Variants in CTNNA2 observed in about 807,000 individuals in gnomAD.
CTNNA2 encodes catenin alpha 2, also known as catenin alpha-2.
In CTNNA2, 42 loss-of-function variants were observed where a neutral mutation model predicts 101.0. The observed-to-expected ratio is 0.42, with a 90% CI of 0.32 to 0.54. CTNNA2 has a LOEUF of 0.54. Ranked by LOEUF, CTNNA2 falls within the 20% of genes least tolerant of loss-of-function variation. The pLI is 0.14. For missense variants in CTNNA2, 871 were observed against 1,223.1 expected, an observed-to-expected ratio of 0.71 and a Z score of 4.29; for synonymous variants, 450 against 456.4, an observed-to-expected ratio of 0.99 and a Z score of 0.18.
intron 5 of CTNNA2, among the ~76,000 whole-genome samples, chr2:79,872,016 T>G (rs1275412679): frequency 6.6e-6 from 1 of 152,200 alleles, no homozygotes; most frequent in East Asian, 1.9e-4. Flanking sequence ...GAAAAACACA[T>G]AATACCCTAC....
intron 6 of CTNNA2, among the ~76,000 whole-genome samples, chr2:79,879,788 T>G (rs1349312797): frequency 6.6e-6 from 1 of 152,200 alleles, no homozygotes; most frequent in Non-Finnish European, 1.5e-5. Context: ...ACTTCCTATC[T>G]TCCTATTTGA....
At chr2:80,528,062 C>T (rs1488193534) in intron 9 of CTNNA2, among the ~76,000 whole-genome samples, 2 of 152,182 alleles carry the variant, frequency 1.3e-5, no homozygotes, top group East Asian at 3.9e-4. Flanking sequence ...AGCTGCATGA[C>T]CAAGGGAAAA....
intron 4 of CTNNA2, chr2:79,374,160 A>ACAGCAG (rs557352140): frequency 1.3e-5 from 2 of 155,308 alleles, no homozygotes; most frequent in Non-Finnish European, 2.9e-5. Context: ...ACCAGCAACA[A>ACAGCAG]CAGCAGCAGC....
chr2:80,207,951 A>T (rs77743637), intron 7 of CTNNA2, among the ~76,000 whole-genome samples: 25,791 of 152,014 alleles, frequency 0.17, 2,816 homozygotes, highest in East Asian at 0.48. Flanking sequence ...GAGTCACAGG[A>T]AAAAAGAAAT....
chr2:79,996,724 C>T (rs565612161), intron 7 of CTNNA2, among the ~76,000 whole-genome samples: 1 of 152,252 alleles, frequency 6.6e-6, no homozygotes, highest in Admixed American at 6.5e-5. Context: ...TTACAAATAC[C>T]TGTGTGGCAC....
At chr2:79,961,807 G>A (rs1331567165) in intron 7 of CTNNA2, among the ~76,000 whole-genome samples, 4 of 132,760 alleles carry the variant, frequency 3.0e-5, no homozygotes, top group African/African-American at 1.2e-4. Context: ...GGGTGACAGA[G>A]CGAGACTCCG....
intron 2 of CTNNA2, among the ~76,000 whole-genome samples, chr2:79,272,048 C>T (rs1232822789): frequency 6.6e-6 from 1 of 151,930 alleles, no homozygotes; most frequent in African/African-American, 2.4e-5. Flanking sequence ...AATAATAATA[C>T]CTAACATTAT....
intron 2 of CTNNA2, among the ~76,000 whole-genome samples, chr2:79,300,567 T>C (rs1676085023): frequency 6.6e-6 from 1 of 152,156 alleles, no homozygotes; most frequent in Admixed American, 6.5e-5. Context: ...AAATTCTTTC[T>C]ACATTCTCCA....
chr2:79,319,014 G>A (rs917497666), intron 3 of CTNNA2, among the ~76,000 whole-genome samples: 4 of 152,164 alleles, frequency 2.6e-5, no homozygotes. Flanking sequence ...GACGGCTGAG[G>A]CTAGTACTAA....
intron 2 of CTNNA2, among the ~76,000 whole-genome samples, chr2:79,704,512 T>TC (rs2104773695): frequency 6.9e-6 from 1 of 144,046 alleles, no homozygotes; most frequent in South Asian, 2.2e-4. Flanking sequence ...TTGTGCTTCT[T>TC]TTTTTTTTTT....
intron 4 of CTNNA2, among the ~76,000 whole-genome samples, chr2:79,409,069 A>G (rs1188136081): frequency 6.6e-6 from 1 of 151,892 alleles, no homozygotes. Context: ...GCATTTTTTC[A>G]TGTGTTTTTT....
chr2:79,879,278 A>T (rs530646653), intron 6 of CTNNA2, among the ~76,000 whole-genome samples: 8 of 152,292 alleles, frequency 5.3e-5, no homozygotes, highest in African/African-American at 1.9e-4. Flanking sequence ...CTTTTTGCTT[A>T]GGATTGTCTT....
intron 8 of CTNNA2, among the ~76,000 whole-genome samples, chr2:80,417,255 T>A (rs188847828): frequency 2.1e-5 from 3 of 139,646 alleles, no homozygotes; most frequent in Non-Finnish European, 4.5e-5. Context: ...CTTATATACT[T>A]TTTTTTTGGT....
chr2:80,262,583 CTG>C (rs773716674), intron 7 of CTNNA2, among the ~76,000 whole-genome samples: 22 of 152,100 alleles, frequency 1.4e-4, no homozygotes, highest in Non-Finnish European at 2.6e-4. Context: ...TTGCTTAGGC[CTG>C]TAATGTGGTC....
chr2:79,656,989 TTTTAGC>T (rs1165799782), intron 2 of CTNNA2, among the ~76,000 whole-genome samples: 1 of 151,836 alleles, frequency 6.6e-6, no homozygotes, highest in Non-Finnish European at 1.5e-5. Flanking sequence ...CAGTATAGAA[TTTTAGC>T]TTTAGATAGC....
chr2:79,550,609 A>T (rs958654045), intron 1 of CTNNA2, among the ~76,000 whole-genome samples: 1 of 152,222 alleles, frequency 6.6e-6, no homozygotes, highest in Non-Finnish European at 1.5e-5. Flanking sequence ...TTGTATGACC[A>T]TTACATCTGT....
chr2:79,463,926 A>G (rs66827506), intron 4 of CTNNA2, among the ~76,000 whole-genome samples: 37,020 of 151,984 alleles, frequency 0.24, 4,685 homozygotes, highest in Middle Eastern at 0.33. Flanking sequence ...TTATGTAAAG[A>G]TAGATAGAAC....
At chr2:80,181,280 G>A (rs760755730) in intron 7 of CTNNA2, among the ~76,000 whole-genome samples, 9 of 152,170 alleles carry the variant, frequency 5.9e-5, no homozygotes, top group Admixed American at 5.9e-4. Context: ...AAGGTGGAAA[G>A]GCTGATGGCA....
intron 7 of CTNNA2, among the ~76,000 whole-genome samples, chr2:80,300,636 G>GA (rs1676200044): frequency 6.6e-6 from 1 of 152,006 alleles, no homozygotes; most frequent in Non-Finnish European, 1.5e-5. Flanking sequence ...CAAAAAAAAG[G>GA]AAAAATAAAA....
Sources: allele counts gnomAD v4.1 joint callset (sites outside exome capture counted in the v4.1 genomes callset), GRCh38; gene constraint gnomAD v4.1.1; transcripts MANE v1.5; gene names NCBI Gene and HGNC (gene_info 2026-07-23, HGNC 2026-07-21).